The following STRA6 variants were observed in gnomAD, a reference collection of about 807,000 sequenced individuals.
STRA6 encodes signaling receptor and transporter of retinol STRA6.
STRA6 carries 48 observed loss-of-function variants against 83.6 expected under a neutral mutation model. The observed-to-expected ratio is 0.57, with a 90% confidence interval of 0.46 to 0.73. The LOEUF is 0.73. Ranked by LOEUF, STRA6 falls within the 30% of genes least tolerant of loss-of-function variation. The probability of loss-of-function intolerance (pLI) is 0.00; values close to 1 mark genes in which losing one functional copy is unlikely to be tolerated. For missense variants in STRA6, 760 were observed against 838.8 expected, an observed-to-expected ratio of 0.91 and a Z score of 1.16; for synonymous variants, 353 against 362.3, an observed-to-expected ratio of 0.97 and a Z score of 0.29.
rs770136705 is a variant in STRA6, at chr15:74,183,989, CCT to C, written c.1167-2_1167-1del. ...CTCGGTGCAGAGCTCGAAGGTTGGT[CCT>C]GGGGTGGGAGCCAGGGAGGCAGAGA... is the stretch of plus-strand genomic sequence containing the variant. On this transcript the variant is annotated splice_acceptor_variant, in intron 13 of 18. Coordinates refer to ENST00000395105, the MANE Select transcript of STRA6 (RefSeq NM_022369.4). LOFTEE classifies it high-confidence loss of function. 15 of 1,612,924 alleles carry C rather than the reference CCT, an allele frequency of 9.3e-6. No individual in the cohort carries two copies. Among genetic ancestry groups the C allele is most frequent in the Non-Finnish European group, 1.3e-5 (15 of 1,180,010 alleles).
chr15:74,194,763 G>A (rs2073730147), intron 7 of STRA6: 1 of 1,267,202 alleles, frequency 7.9e-7, no homozygotes, highest in Non-Finnish European at 9.9e-7. Context: ...GAATGAAGTG[G>A]TGAAGCTGGA....
intron 7 of STRA6, 164 bp downstream of exon 7, chr15:74,195,138 C>T (rs1229067056): frequency 1.3e-6 from 2 of 1,505,542 alleles, no homozygotes; most frequent in Non-Finnish European, 1.8e-6. Flanking sequence ...TCCTGCAGAG[C>T]AGCCAAGCTT....
chr15:74,199,465 T>C (rs1021106446), intron 2 of STRA6, among the ~76,000 whole-genome samples: 1 of 151,914 alleles, frequency 6.6e-6, no homozygotes, highest in Non-Finnish European at 1.5e-5. Context: ...CTCTGGTGCG[T>C]AGGGCAGCCC....
intron 1 of STRA6, 88 bp from the exon 2 acceptor site, chr15:74,202,370 C>T (rs2074115024): frequency 1.3e-6 from 2 of 1,550,016 alleles, no homozygotes; most frequent in Non-Finnish European, 1.7e-6. Flanking sequence ...AGACGGAAAA[C>T]CCAAACAAAG....
At chr15:74,190,934 A>T in intron 10 of STRA6, 33 bp from the exon 11 acceptor site, 1 of 1,613,914 alleles carries the variant, frequency 6.2e-7, no homozygotes, top group Middle Eastern at 1.6e-4. Flanking sequence ...TATGGTGAAC[A>T]GCACCACTCA....
At chr15:74,182,065 A>C in intron 16 of STRA6, 96 bp downstream of exon 16, 3 of 1,075,324 alleles carry the variant, frequency 2.8e-6, no homozygotes, top group Non-Finnish European at 2.9e-6. Flanking sequence ...GATAGAGAGA[A>C]GGGATAGATG....
At chr15:74,183,784 C>T in intron 14 of STRA6, 72 bp downstream of exon 14, 1 of 1,611,108 alleles carries the variant, frequency 6.2e-7, no homozygotes, top group Non-Finnish European at 8.5e-7. Flanking sequence ...GAGCACTCTT[C>T]TCCCCAACTG....
chr15:74,190,425 GT>G (rs58826074), intron 11 of STRA6, among the ~76,000 whole-genome samples: 11,495 of 143,218 alleles, frequency 0.08, 1,483 homozygotes, highest in African/African-American at 0.27. Flanking sequence ...TTTTTTCGGG[GT>G]TTTTTTTTTT....
upstream of STRA6, among the ~76,000 whole-genome samples, chr15:74,204,841 AG>A (rs2074222929): frequency 6.6e-6 from 1 of 152,194 alleles, no homozygotes; most frequent in African/African-American, 2.4e-5. Context: ...AGGCTGAGGC[AG>A]GAGAATCGCT....
rs1354529086 is a variant in STRA6, at chr15:74,183,728, G to T, written c.1300+128C>A. On this transcript the variant is annotated intron_variant, in intron 14 of 18. Transcript: ENST00000395105. Reference sequence around the variant, plus strand: ...GGCAGGGGGGTCCCTCCTTCTTGCTGCTGCCCCAGAGCATTCCCAGACAAA... The same window carrying T: ...GGCAGGGGGGTCCCTCCTTCTTGCTTCTGCCCCAGAGCATTCCCAGACAAA... The T allele has an allele frequency of 3.8e-6, 6 of 1,593,322 alleles. No individual in the cohort carries two copies. In the Admixed American group the frequency reaches 6.7e-5, roughly 18 times the overall value.
chr15:74,191,521 T>A, intron 8 of STRA6, 30 bp from the exon 9 acceptor site: 1 of 1,602,460 alleles, frequency 6.2e-7, no homozygotes, highest in Non-Finnish European at 8.5e-7. Flanking sequence ...AACAAGCAGA[T>A]GAGATCTGCC....
At chr15:74,205,208 G>A (rs2074233157), upstream of STRA6, among the ~76,000 whole-genome samples, 1 of 152,184 alleles carries the variant, frequency 6.6e-6, no homozygotes, top group African/African-American at 2.4e-5. Context: ...GGGAGAGAGG[G>A]AGGTACCAGT....
rs1224520192 is a variant in STRA6 at position 74,182,671 on chromosome 15, C to A, written c.1301-211G>T. On this transcript the variant is annotated intron_variant, in intron 14 of 18. Transcript: ENST00000395105. ...TGTAAAATGGGGATAATAGTCCCTA[C>A]CTCAGAGGCTGTTGTAAGGATCCAA... 8.7e-6 allele frequency: 5 copies of A among 575,942 alleles called. No homozygotes were observed. The East Asian group carries it at 1.5e-4, about 17-fold the overall frequency. The allele number at this position is 575,942 out of a possible 1,614,324, so 35.7% of individuals were successfully genotyped here.
chr15:74,195,145 G>A, intron 7 of STRA6, 157 bp downstream of exon 7: 1 of 1,511,130 alleles, frequency 6.6e-7, no homozygotes, highest in Non-Finnish European at 8.8e-7. Context: ...GAGCAGCCAA[G>A]CTTGGAAGGG....
chr15:74,199,877 AG>A, intron 2 of STRA6, among the ~76,000 whole-genome samples: 1 of 152,318 alleles, frequency 6.6e-6, no homozygotes, highest in Non-Finnish European at 1.5e-5. Flanking sequence ...GATGCAGAGG[AG>A]GGAGAACTTT....
At chr15:74,206,508 G>A (rs1454859217), upstream of STRA6, among the ~76,000 whole-genome samples, 1 of 152,212 alleles carries the variant, frequency 6.6e-6, no homozygotes, top group Non-Finnish European at 1.5e-5. Context: ...TTCTCCAAAG[G>A]CCTGGGCAGC....
chr15:74,197,337 C>T lies in STRA6; in HGVS notation c.266+1G>A, dbSNP rs1354075618. ...GGGGGTGCCCAGGCCATGGTACAAA[C>T]CTGGGCAGGCCGGGCCTGCCACGCA... On this transcript the variant is annotated splice_donor_variant, in intron 4 of 18. Transcript: ENST00000395105. LOFTEE classifies it high-confidence loss of function. The T allele has an allele frequency of 6.5e-7, 1 of 1,549,782 alleles. No individual in the cohort carries two copies.
chr15:74,197,877 G>A (rs2073894371), intron 2 of STRA6, 59 bp from the exon 3 acceptor site: 1 of 1,570,762 alleles, frequency 6.4e-7, no homozygotes, highest in African/African-American at 1.3e-5. Flanking sequence ...GTGTGCAGAT[G>A]GGTCTGGGGT....
At chr15:74,197,292 G>C (rs1486326146) in intron 4 of STRA6, 46 bp downstream of exon 4, 1 of 1,421,686 alleles carries the variant, frequency 7.0e-7, no homozygotes, top group Non-Finnish European at 9.7e-7. Context: ...GAGGGACCCT[G>C]TCAGCTGGGT....
Sources: allele counts gnomAD v4.1 joint callset (sites outside exome capture counted in the v4.1 genomes callset), GRCh38; gene constraint gnomAD v4.1.1; transcripts MANE v1.5; gene names NCBI Gene and HGNC (gene_info 2026-07-23, HGNC 2026-07-21).